The following FGF18 variants were observed in gnomAD, a reference collection of about 807,000 sequenced individuals.
FGF18 encodes fibroblast growth factor 18.
FGF18 carries 5 observed loss-of-function variants against 23.0 expected under a neutral mutation model. That is an observed-to-expected ratio of 0.22 (90% CI 0.11 to 0.46). FGF18 has a LOEUF of 0.46. Among genes scored for constraint, FGF18 ranks in the 20% least tolerant of loss-of-function variants. The pLI is 0.99. For missense variants in FGF18, 180 were observed against 291.6 expected (o/e 0.62, Z 2.79); for synonymous variants, 117 against 118.9 (o/e 0.98, Z 0.10).
intron 2 of FGF18, among the ~76,000 whole-genome samples, chr5:171,433,007 G>A (rs546869621): frequency 2.0e-5 from 3 of 152,194 alleles, no homozygotes; most frequent in African/African-American, 7.2e-5. Context: ...GAAAGGCTTC[G>A]GGGTAGGACG....
At chr5:171,430,824 G>C (rs921457538) in intron 2 of FGF18, among the ~76,000 whole-genome samples, 2 of 143,738 alleles carry the variant, frequency 1.4e-5, no homozygotes, top group African/African-American at 2.5e-5. Flanking sequence ...AAAGAAAAAA[G>C]AGTAATGATT....
Position 171,436,911 on chromosome 5 carries a change from C to T in FGF18, c.250+638C>T, listed in dbSNP as rs1159106212. Among the ~76,000 whole-genome samples the T allele has an allele frequency of 6.6e-6, 1 of 152,258 alleles. No homozygotes were observed. Among genetic ancestry groups the T allele is most frequent in the Non-Finnish European group, 1.5e-5 (1 of 68,038 alleles). On this transcript the variant is annotated intron_variant, in intron 3 of 4. Transcript: ENST00000274625. This position sits in a 1 kb window ranked among gnomAD's most constrained non-coding sequence, Gnocchi z 4.4. ...CCCAAGCCCCTGGTCCACAAAGGTG[C>T]TCAGCAGTGAGTGAAACAGGCAGCG...
chr5:171,432,737 G>A (rs182056006), intron 2 of FGF18, among the ~76,000 whole-genome samples: 1 of 152,346 alleles, frequency 6.6e-6, no homozygotes, highest in Admixed American at 6.5e-5. Context: ...TTAGCAGAGT[G>A]TCTGGAACAG....
At position 171,451,193 on chromosome 5, in the gene FGF18, ACCCTGGCG is replaced by A. The variant is rs993928526; in HGVS notation, c.357+1942_357+1949del. Among the ~76,000 whole-genome samples, 2 of 150,930 alleles carry A rather than the reference ACCCTGGCG, an allele frequency of 1.3e-5. No homozygotes were observed. The highest frequency in any genetic ancestry group is 3.0e-5 in the Non-Finnish European group (2 of 67,736). ...GGTGACGGTTCAGCTGGCGCGGCGCACCCTGGCGCAGCGGAGGGAGGCCCGGCCCCGGC... is the reference window on the plus strand; with the variant it reads ...GGTGACGGTTCAGCTGGCGCGGCGCACAGCGGAGGGAGGCCCGGCCCCGGC... On this transcript the variant is annotated intron_variant, in intron 4 of 4. Coordinates refer to ENST00000274625, the MANE Select transcript of FGF18 (RefSeq NM_003862.3). This position sits in a 1 kb window ranked among gnomAD's most constrained non-coding sequence, Gnocchi z 4.5.
intron 4 of FGF18, among the ~76,000 whole-genome samples, chr5:171,450,949 C>T (rs554281714): frequency 3.9e-5 from 6 of 152,140 alleles, no homozygotes; most frequent in Non-Finnish European, 7.4e-5. Context: ...AGTGCCCGTG[C>T]CCACGCCGCG....
At chr5:171,424,921 C>T (rs1437676830) in intron 2 of FGF18, among the ~76,000 whole-genome samples, 1 of 152,154 alleles carries the variant, frequency 6.6e-6, no homozygotes, top group Non-Finnish European at 1.5e-5. Flanking sequence ...GTCACCCGCT[C>T]TGAGATAAGG....
At chr5:171,428,534 C>T (rs987069551) in intron 2 of FGF18, among the ~76,000 whole-genome samples, 6 of 152,142 alleles carry the variant, frequency 3.9e-5, no homozygotes, top group African/African-American at 9.7e-5. Flanking sequence ...CCTCTGCGTG[C>T]GTGCATGTGT....
intron 3 of FGF18, among the ~76,000 whole-genome samples, chr5:171,438,484 C>T (rs1195217091): frequency 6.6e-6 from 1 of 151,928 alleles, no homozygotes; most frequent in Non-Finnish European, 1.5e-5. Context: ...GTCTCGGGGG[C>T]GAGGCCTGAG....
chr5:171,446,522 G>A (rs1459778829), intron 3 of FGF18, among the ~76,000 whole-genome samples: 2 of 152,180 alleles, frequency 1.3e-5, no homozygotes, highest in South Asian at 2.1e-4. Flanking sequence ...TCAGTGCACT[G>A]TAAGGGGAGC....
intron 3 of FGF18, among the ~76,000 whole-genome samples, chr5:171,438,827 T>C (rs999464176): frequency 6.6e-6 from 1 of 151,752 alleles, no homozygotes; most frequent in African/African-American, 2.4e-5. Flanking sequence ...GAGGGTGATT[T>C]ATGTGGCCAA....
intron 4 of FGF18, among the ~76,000 whole-genome samples, chr5:171,453,227 A>AGCCC (rs1157438730): frequency 6.6e-6 from 1 of 152,204 alleles, no homozygotes; most frequent in East Asian, 1.9e-4. Context: ...GCAAGCGTCA[A>AGCCC]GCCCGGATGT....
chr5:171,441,852 T>C (rs1470716190), intron 3 of FGF18, among the ~76,000 whole-genome samples: 1 of 152,190 alleles, frequency 6.6e-6, no homozygotes, highest in Admixed American at 6.5e-5. Context: ...CAAAGAGGCT[T>C]CCTTCTGTTT....
At chr5:171,439,625 A>G (rs1459204833) in intron 3 of FGF18, among the ~76,000 whole-genome samples, 2 of 152,128 alleles carry the variant, frequency 1.3e-5, no homozygotes, top group Non-Finnish European at 2.9e-5. Context: ...AAGAGCCTCC[A>G]TGTCTGGGCT....
intron 3 of FGF18, among the ~76,000 whole-genome samples, chr5:171,437,263 A>G (rs1448656572): frequency 6.6e-6 from 1 of 152,188 alleles, no homozygotes; most frequent in Non-Finnish European, 1.5e-5. Context: ...AGGACGTGAC[A>G]ACAAGACAAA....
chr5:171,421,888 G>A (rs1233553970), intron 2 of FGF18, among the ~76,000 whole-genome samples: 1 of 151,474 alleles, frequency 6.6e-6, no homozygotes, highest in East Asian at 1.9e-4. Flanking sequence ...GGGGGTGGGG[G>A]TGGGGAACGG....
Position 171,456,895 on chromosome 5 carries a change from G to A in FGF18, c.*90G>A. ...AGGAATATTTTTACATGAAAAATAA[G>A]GAAGAAGCTCTATTTTTGTACATTG... On this transcript the variant is annotated 3_prime_UTR_variant, in exon 5 of 5. Transcript: ENST00000274625. The surrounding 1 kb of genome is among the most constrained non-coding windows in gnomAD (Gnocchi z 6.1). The A allele has an allele frequency of 1.4e-6, 2 of 1,433,846 alleles. No individual in the cohort carries two copies. The highest frequency in any genetic ancestry group is 2.7e-5 in the South Asian group (2 of 73,032). The allele number at this position is 1,433,846 out of a possible 1,614,324, so 88.8% of individuals were successfully genotyped here.
At chr5:171,422,747 G>A (rs1772033904) in intron 2 of FGF18, among the ~76,000 whole-genome samples, 2 of 152,228 alleles carry the variant, frequency 1.3e-5, no homozygotes, top group Non-Finnish European at 2.9e-5. Flanking sequence ...GCGGGTAGCA[G>A]TTCAAGCTCC....
rs948318422 is a variant in FGF18 at position 171,447,440 on chromosome 5, G to A, written c.251-1707G>A. On this transcript the variant is annotated intron_variant, in intron 3 of 4. Transcript: ENST00000274625. ...GGAGGATCAAGGGCTTGTGCCCACC[G>A]CCATCTCAGCGTTGGTTAATATCCC... 7.9e-5 allele frequency among the ~76,000 whole-genome samples: 12 copies of A among 152,358 alleles called. No individual in the cohort carries two copies. The East Asian group carries it at 2.1e-3, about 27-fold the overall frequency.
chr5:171,420,303 T>TCTGC (rs1771984099), intron 1 of FGF18, 72 bp downstream of exon 1: 1 of 1,607,960 alleles, frequency 6.2e-7, no homozygotes, highest in Non-Finnish European at 8.5e-7. Context: ...TGTACCTCTG[T>TCTGC]CTGCCCGCCC....
Sources: allele counts gnomAD v4.1 joint callset (sites outside exome capture counted in the v4.1 genomes callset), GRCh38; gene constraint gnomAD v4.1.1; non-coding constraint Gnocchi (gnomAD v3.1); transcripts MANE v1.5; gene names NCBI Gene and HGNC (gene_info 2026-07-23, HGNC 2026-07-21).